Variants in C1GALT1 observed in about 807,000 individuals in gnomAD.
The protein encoded by C1GALT1 is core 1 synthase, glycoprotein-N-acetylgalactosamine 3-beta-galactosyltransferase 1.
A neutral mutation model predicts 31.0 loss-of-function variants in C1GALT1; 11 were observed. The ratio of observed to expected loss-of-function variants is 0.36; its 90% CI spans 0.22 to 0.59. The LOEUF (loss-of-function observed/expected upper bound fraction) is 0.59. Ranked by LOEUF, C1GALT1 falls within the 20% of genes least tolerant of loss-of-function variation. The probability of loss-of-function intolerance (pLI) is 0.79; values close to 1 mark genes in which losing one functional copy is unlikely to be tolerated. For missense variants in C1GALT1, 424 were observed against 425.2 expected (o/e 1.00, Z 0.03); for synonymous variants, 175 against 143.6 (o/e 1.22, Z -1.56).
chr7:7,227,234 A>G (rs1782806464), intron 1 of C1GALT1, among the ~76,000 whole-genome samples: 1 of 152,148 alleles, frequency 6.6e-6, no homozygotes, highest in Non-Finnish European at 1.5e-5. Flanking sequence ...GTAAAACTGT[A>G]GGGTTATGGT....
At chr7:7,160,279 T>C (rs1472158481) in intron 2 of C1GALT1, among the ~76,000 whole-genome samples, 1 of 152,182 alleles carries the variant, frequency 6.6e-6, no homozygotes, top group Non-Finnish European at 1.5e-5. Context: ...TAGATCTTTT[T>C]GGTCTTCAAC....
intron 1 of C1GALT1, among the ~76,000 whole-genome samples, chr7:7,194,109 A>G (rs984269039): frequency 1.3e-5 from 2 of 152,100 alleles, no homozygotes; most frequent in Admixed American, 1.3e-4. Context: ...GTATGATCAT[A>G]TCATCAGCAA....
At chr7:7,205,434 T>G (rs771177882) in intron 1 of C1GALT1, among the ~76,000 whole-genome samples, 4 of 108,186 alleles carry the variant, frequency 3.7e-5, no homozygotes, top group African/African-American at 3.9e-5. Flanking sequence ...AGGAGAGAAT[T>G]TATTTACAGT....
chr7:7,159,117 A>G (rs1184352875), intron 2 of C1GALT1, among the ~76,000 whole-genome samples: 1 of 152,158 alleles, frequency 6.6e-6, no homozygotes, highest in Non-Finnish European at 1.5e-5. Flanking sequence ...AGAAACAGGA[A>G]AAAAAAGTCA....
intron 1 of C1GALT1, among the ~76,000 whole-genome samples, chr7:7,224,767 T>C (rs191756711): frequency 6.6e-6 from 1 of 152,286 alleles, no homozygotes; most frequent in East Asian, 1.9e-4. Context: ...AAGAACCAGC[T>C]CTTTTTTTTA....
rs1293739929 is a variant in C1GALT1, at chr7:7,162,348, G to A, written c.-18+4922G>A. Among the ~76,000 whole-genome samples the A allele has an allele frequency of 7.1e-5, 10 of 141,248 alleles. No homozygotes were observed. The East Asian group carries it at 1.9e-3, about 27-fold the overall frequency. The allele number at this position is 141,248 out of a possible 152,430, so 92.7% of individuals were successfully genotyped here. A position where few individuals can be genotyped will look rare whatever the true frequency, so the allele number is the denominator to read the frequency against. On this transcript the variant is annotated intron_variant, in intron 2 of 3. Transcript: ENST00000429911. The stretch of plus-strand genomic sequence containing the variant: ...TTCTCATTGTTCAATTCCCATCTAT[G>A]AGTGAGAACATGTGGTGTTTGGTTT...
chr7:7,200,911 A>G (rs1781504464), intron 1 of C1GALT1, among the ~76,000 whole-genome samples: 1 of 152,096 alleles, frequency 6.6e-6, no homozygotes, highest in Non-Finnish European at 1.5e-5. Context: ...TCTTTTTTCA[A>G]GGTTTTTAGC....
intron 1 of C1GALT1, among the ~76,000 whole-genome samples, 153 bp downstream of exon 1, chr7:7,182,973 T>C (rs1454383621): frequency 1.3e-5 from 2 of 151,100 alleles, no homozygotes; most frequent in Non-Finnish European, 3.0e-5. Context: ...CGGGCTGGGG[T>C]CGTCCGGGCT....
intron 1 of C1GALT1, among the ~76,000 whole-genome samples, chr7:7,185,674 A>AT (rs1416649710): frequency 6.6e-6 from 1 of 152,190 alleles, no homozygotes; most frequent in Non-Finnish European, 1.5e-5. Context: ...TACTAGTCGT[A>AT]TTGGATTAAG....
At chr7:7,242,352 G>C (rs1189401571) in intron 3 of C1GALT1, among the ~76,000 whole-genome samples, 1 of 151,774 alleles carries the variant, frequency 6.6e-6, no homozygotes, top group African/African-American at 2.4e-5. Flanking sequence ...TCCTAAAGGT[G>C]CAAGAGTAGG....
upstream of C1GALT1, among the ~76,000 whole-genome samples, chr7:7,179,860 A>C (rs1309733993): frequency 4.8e-5 from 3 of 62,094 alleles, no homozygotes; most frequent in African/African-American, 1.9e-4. Flanking sequence ...TTTCAGGTTC[A>C]AAAAAAAAAA....
chr7:7,229,539 G>T (rs758132490), intron 1 of C1GALT1, among the ~76,000 whole-genome samples: 2 of 152,110 alleles, frequency 1.3e-5, no homozygotes, highest in Non-Finnish European at 2.9e-5. Flanking sequence ...GGAAGGACTT[G>T]TATAATATCG....
intron 1 of C1GALT1, among the ~76,000 whole-genome samples, chr7:7,189,587 C>G (rs1366164757): frequency 4.9e-5 from 5 of 102,990 alleles, no homozygotes; most frequent in South Asian, 2.3e-4. Flanking sequence ...GGTTAACTAT[C>G]TTTTTTATTA....
intron 2 of C1GALT1, among the ~76,000 whole-genome samples, chr7:7,168,745 ATAAT>A (rs1380719087): frequency 6.6e-6 from 1 of 152,268 alleles, no homozygotes; most frequent in Non-Finnish European, 1.5e-5. Flanking sequence ...CTACCTACAA[ATAAT>A]TAAAGTCTCT....
chr7:7,161,961 C>G (rs910809091), intron 2 of C1GALT1, among the ~76,000 whole-genome samples: 1 of 151,884 alleles, frequency 6.6e-6, no homozygotes, highest in Non-Finnish European at 1.5e-5. Flanking sequence ...TAAATGTGAA[C>G]AGTTCAAAAA....
chr7:7,189,055 TA>T (rs34922694), intron 1 of C1GALT1, among the ~76,000 whole-genome samples: 1 of 152,186 alleles, frequency 6.6e-6, no homozygotes, highest in Non-Finnish European at 1.5e-5. Context: ...TTCTGATGTT[TA>T]AAAAAATACC....
chr7:7,166,483 G>A (rs1780393813), intron 2 of C1GALT1, among the ~76,000 whole-genome samples: 1 of 152,116 alleles, frequency 6.6e-6, no homozygotes, highest in African/African-American at 2.4e-5. Flanking sequence ...GCAGATCAGT[G>A]GTTGCTTGGA....
In C1GALT1 at chr7:7,232,484, GTT is replaced by G. The variant is rs67013405; in HGVS notation, c.-17-1808_-17-1807del. 3.6e-4 allele frequency among the ~76,000 whole-genome samples: 48 copies of G among 132,932 alleles called. 1 individual carries two copies. In the Middle Eastern group the frequency reaches 0.012, roughly 34 times the overall value. 87.2% of individuals were successfully genotyped at this position (132,932 alleles called of 152,430 possible). A position where few individuals can be genotyped will look rare whatever the true frequency, so the allele number is the denominator to read the frequency against. Reference sequence around the variant, plus strand: ...GAGAAATGTAATGGAAAGGGCGTGGGTTTTTTTTTTTTGTTTTTTTTTTTTTG... The same window carrying G: ...GAGAAATGTAATGGAAAGGGCGTGGGTTTTTTTTTTGTTTTTTTTTTTTTG... On this transcript the variant is annotated intron_variant, in intron 1 of 3. Coordinates refer to ENST00000436587, the MANE Select transcript of C1GALT1 (RefSeq NM_020156.5).
At chr7:7,200,477 G>A (rs927300464) in intron 1 of C1GALT1, among the ~76,000 whole-genome samples, 1 of 151,006 alleles carries the variant, frequency 6.6e-6, no homozygotes, top group African/African-American at 2.4e-5. Context: ...ATGTGTCTTG[G>A]GGTTGCTCTT....
Sources: gnomAD v4.1 joint callset for allele counts (sites outside exome capture counted in the v4.1 genomes callset) on GRCh38, gnomAD v4.1.1 for gene constraint, MANE v1.5 for transcripts, NCBI Gene and HGNC (gene_info 2026-07-23, HGNC 2026-07-21) for gene names.